Variants in ZNF592 observed in about 807,000 individuals in gnomAD.
ZNF592 encodes the protein zinc finger protein 592, also known as spinocerebellar ataxia, autosomal recessive 5.
A neutral mutation model predicts 80.3 loss-of-function variants in ZNF592; 11 were observed. That is an observed-to-expected ratio of 0.14 (90% confidence interval 0.09 to 0.23). The LOEUF (loss-of-function observed/expected upper bound fraction) is 0.23, where lower values mean the gene tolerates loss of function less well. Ranked by LOEUF, ZNF592 falls within the 10% of genes least tolerant of loss-of-function variation. The pLI, the probability that ZNF592 is intolerant of heterozygous loss-of-function variation, is 1.00. For missense variants in ZNF592, 1,420 were observed against 1,633.9 expected, an observed-to-expected ratio of 0.87 and a Z score of 2.26; for synonymous variants, 646 against 640.3, an observed-to-expected ratio of 1.01 and a Z score of -0.13.
At chr15:84,754,988 C>T (rs1214107105) in intron 1 of ZNF592, among the ~76,000 whole-genome samples, 2 of 122,230 alleles carry the variant, frequency 1.6e-5, no homozygotes, top group Non-Finnish European at 3.3e-5. Flanking sequence ...TTTTTCATGG[C>T]AGAGTGTCAC....
Position 84,775,443 on chromosome 15 carries a change from G to T in ZNF592, c.-149-2740G>T, listed in dbSNP as rs577640588. 6.6e-5 allele frequency among the ~76,000 whole-genome samples: 10 copies of T among 150,584 alleles called. No homozygotes were observed. The East Asian group carries it at 2.0e-3, about 30-fold the overall frequency. ...GTTGTTGTTGTTGTTGTTCTGTTTT[G>T]TTTTTTTGAGACAGAGTCTCGCTCT... On this transcript the variant is annotated intron_variant, in intron 2 of 10. Transcript: ENST00000560079.
intron 5 of ZNF592, among the ~76,000 whole-genome samples, chr15:84,795,311 A>G (rs1439857051): frequency 6.6e-6 from 1 of 152,232 alleles, no homozygotes; most frequent in Admixed American, 6.5e-5. Context: ...ATATGATTCC[A>G]TAATTGTCTA....
At chr15:84,768,969 G>A (rs1036157253) in intron 2 of ZNF592, among the ~76,000 whole-genome samples, 5 of 151,900 alleles carry the variant, frequency 3.3e-5, no homozygotes, top group African/African-American at 1.2e-4. Context: ...GAGACATGGT[G>A]TCCATCTGTT....
intron 1 of ZNF592, among the ~76,000 whole-genome samples, chr15:84,750,227 C>T (rs186346814): frequency 4.5e-4 from 68 of 152,278 alleles, no homozygotes; most frequent in Middle Eastern, 6.8e-3. Flanking sequence ...TGCTTGAACC[C>T]GGGAGGCGGA....
rs757652007 is a variant in ZNF592, at chr15:84,802,200, G to T, written c.3611G>T (p.Gly1204Val). The T allele has an allele frequency of 3.1e-5, 49 of 1,600,842 alleles. No homozygotes were observed. Among genetic ancestry groups the T allele is most frequent in the Non-Finnish European group, 4.1e-5 (48 of 1,170,512 alleles). Residue 1204 changes from glycine to valine, a missense_variant, in exon 11 of 11, where the codon GGC (glycine) becomes GTC (valine). Coordinates refer to ENST00000560079, the MANE Select transcript of ZNF592 (RefSeq NM_014630.3). Reference protein sequence around the residue: ...MAVEVAEPEEGSGEEVPMETR... With the variant: ...MAVEVAEPEEVSGEEVPMETR... ...GTGGAGGTGGCAGAGCCAGAGGAGG[G>T]CTCCGGGGAGGAGGTGCCCATGGAG...
chr15:84,775,427 G>A (rs561225449), intron 2 of ZNF592, among the ~76,000 whole-genome samples: 1 of 148,940 alleles, frequency 6.7e-6, no homozygotes, highest in Admixed American at 6.6e-5. Flanking sequence ...TGTTGTTGTT[G>A]TTGTTGTTCT....
chr15:84,759,962 CCCCCA>C (rs369134265), intron 1 of ZNF592, among the ~76,000 whole-genome samples: 18,834 of 74,046 alleles, frequency 0.25, 1,980 homozygotes, highest in South Asian at 0.34. Context: ...ATTCCCCCCC[CCCCCA>C]CCCTGCCATT....
chr15:84,794,165 A>G (rs111656658), intron 5 of ZNF592, among the ~76,000 whole-genome samples: 2 of 152,274 alleles, frequency 1.3e-5, no homozygotes, highest in African/African-American at 4.8e-5. Flanking sequence ...GGGTGCAGCA[A>G]ACCACCATGG....
intron 4 of ZNF592, 100 bp from the exon 5 acceptor site, chr15:84,790,605 G>A: frequency 8.3e-7 from 1 of 1,199,804 alleles, no homozygotes; most frequent in Admixed American, 1.7e-5. Flanking sequence ...TGGGGGAAGG[G>A]GTTATTCTGA....
At chr15:84,792,813 A>C (rs1962786992) in intron 5 of ZNF592, among the ~76,000 whole-genome samples, 2 of 152,316 alleles carry the variant, frequency 1.3e-5, no homozygotes, top group South Asian at 4.1e-4. Context: ...TGGAGTATCT[A>C]AAGTACATTA....
At chr15:84,785,143 C>A (rs1050044265) in intron 4 of ZNF592, among the ~76,000 whole-genome samples, 1 of 152,180 alleles carries the variant, frequency 6.6e-6, no homozygotes, top group Non-Finnish European at 1.5e-5. Flanking sequence ...AACTTCCCCT[C>A]AAAGGGTCTG....
At chr15:84,755,372 T>A (rs1899140534) in intron 1 of ZNF592, among the ~76,000 whole-genome samples, 1 of 152,030 alleles carries the variant, frequency 6.6e-6, no homozygotes, top group Non-Finnish European at 1.5e-5. Context: ...GCTCAAGCAA[T>A]CCTCCTGCCT....
At chr15:84,761,153 A>G (rs181660780) in intron 1 of ZNF592, among the ~76,000 whole-genome samples, 218 of 151,972 alleles carry the variant, frequency 1.4e-3, no homozygotes, top group African/African-American at 4.9e-3. Flanking sequence ...TTTAGTAGAG[A>G]TGGGGTTTCG....
At chr15:84,759,695 C>G (rs960439238) in intron 1 of ZNF592, among the ~76,000 whole-genome samples, 1 of 152,176 alleles carries the variant, frequency 6.6e-6, no homozygotes, top group Non-Finnish European at 1.5e-5. Flanking sequence ...GACTGGGACC[C>G]AGGCAGGCAC....
chr15:84,783,012 A>G lies in ZNF592; in HGVS notation c.337A>G (p.Thr113Ala), dbSNP rs1468197918. ...DPHNCGKFDSTFMNGDSARSF... is the reference protein window; with the variant it reads ...DPHNCGKFDSAFMNGDSARSF... ...CCACAACTGTGGGAAATTTGATTCT[A>G]CTTTTATGAATGGAGACAGTGCCAG... The change falls in exon 4 of 11, where the codon ACT (threonine) becomes GCT (alanine). Residue 113 changes from threonine (T) to alanine (A), a missense_variant. This residue lies in a region of ZNF592 where 373 missense variants were observed against 355.5 expected (regional missense o/e 1.05). Coordinates refer to ENST00000560079, the MANE Select transcript of ZNF592 (RefSeq NM_014630.3). The surrounding 1 kb of genome is among the most constrained non-coding windows in gnomAD (Gnocchi z 5.0). 3 of 1,614,032 alleles carry G rather than the reference A, an allele frequency of 1.9e-6. No homozygotes were observed.
Position 84,782,999 on chromosome 15 carries a change from G to A in ZNF592, c.324G>A (p.Gly108=), listed in dbSNP as rs748531094. Reference sequence around the variant, plus strand: ...TGCCTCCAGATCCCCACAACTGTGGGAAATTTGATTCTACTTTTATGAATG... The same window carrying A: ...TGCCTCCAGATCCCCACAACTGTGGAAAATTTGATTCTACTTTTATGAATG... ...SDLPPDPHNC[G]KFDSTFMNGD... is the part of the protein sequence containing the mutation. Residue 108 remains glycine, a synonymous_variant, in exon 4 of 11, where the codon GGG becomes GGA. Transcript: ENST00000560079. 1 of 1,614,152 alleles carries A rather than the reference G, an allele frequency of 6.2e-7. No homozygotes were observed. The highest frequency in any genetic ancestry group is 1.1e-5 in the South Asian group (1 of 91,078).
At chr15:84,791,267 C>T (rs889145113) in intron 5 of ZNF592, among the ~76,000 whole-genome samples, 1 of 152,172 alleles carries the variant, frequency 6.6e-6, no homozygotes, top group Non-Finnish European at 1.5e-5. Flanking sequence ...GAAATGTTTG[C>T]AGGTTTTAAC....
At chr15:84,757,737 C>T (rs182713566) in intron 1 of ZNF592, among the ~76,000 whole-genome samples, 9 of 151,544 alleles carry the variant, frequency 5.9e-5, no homozygotes, top group Non-Finnish European at 1.2e-4. Flanking sequence ...CAGCTCACTG[C>T]AACCTTCACC....
In ZNF592 at chr15:84,783,210, G is replaced by A; in HGVS notation, c.535G>A (p.Gly179Arg). 6.2e-7 allele frequency: 1 copy of A among 1,614,228 alleles called. No individual in the cohort carries two copies. Among genetic ancestry groups the A allele is most frequent in the Non-Finnish European group, 8.5e-7 (1 of 1,180,050 alleles). Reference protein sequence around the residue: ...FPPPLGCGAVGGPVLEALAKF... With the variant: ...FPPPLGCGAVRGPVLEALAKF... The stretch of plus-strand genomic sequence containing the variant: ...ACCCCCTCTTGGGTGCGGGGCTGTG[G>A]GAGGCCCAGTCCTGGAGGCTCTGGC... Residue 179 changes from glycine to arginine, a missense_variant, in exon 4 of 11, where the codon GGA (glycine) becomes AGA (arginine). Gly to Arg is a moderately radical substitution (Grantham distance 125, BLOSUM62 -2). Around this residue, in one of 7 missense-constraint regions of ZNF592, gnomAD observed 373 missense variants for 355.5 expected, o/e 1.05. Transcript: ENST00000560079. This position sits in a 1 kb window ranked among gnomAD's most constrained non-coding sequence, Gnocchi z 5.0.
Sources: gnomAD v4.1 joint callset for allele counts (sites outside exome capture counted in the v4.1 genomes callset) on GRCh38, gnomAD v4.1.1 for gene constraint, gnomAD v4.1.1 regional missense constraint, Gnocchi (gnomAD v3.1) non-coding constraint, MANE v1.5 for transcripts, NCBI Gene and HGNC (gene_info 2026-07-23, HGNC 2026-07-21) for gene names.